SMAD1: variants seen among roughly 807,000 people sequenced by gnomAD.
The protein encoded by SMAD1 is SMAD family member 1, also known as MAD, mothers against decapentaplegic homolog 1.
SMAD1 carries 6 observed loss-of-function variants against 41.6 expected under a neutral mutation model. That is an observed-to-expected ratio of 0.14 (90% CI 0.08 to 0.28). The LOEUF is 0.28. Ranked by LOEUF, SMAD1 falls within the 10% of genes least tolerant of loss-of-function variation. The probability of loss-of-function intolerance (pLI) is 1.00; values close to 1 mark genes in which losing one functional copy is unlikely to be tolerated. For synonymous variants in SMAD1, 206 were observed against 203.2 expected, an observed-to-expected ratio of 1.01 and a Z score of -0.12; for missense variants, 379 against 582.6, an observed-to-expected ratio of 0.65 and a Z score of 3.60.
At chr4:145,481,164 T>G (rs149430925), upstream of SMAD1, 8 of 151,486 alleles carry the variant, frequency 5.3e-5, no homozygotes, top group East Asian at 1.6e-3. Flanking sequence ...AAATGTGGAG[T>G]TCTAAAGCAG....
chr4:145,550,889 T>C (rs28522520), intron 5 of SMAD1, among the ~76,000 whole-genome samples: 4,353 of 152,238 alleles, frequency 0.029, 186 homozygotes, highest in African/African-American at 0.084. Context: ...TTTGAATAAA[T>C]AGGCAGTCTG....
intron 2 of SMAD1, among the ~76,000 whole-genome samples, chr4:145,535,983 C>T: frequency 7.0e-6 from 1 of 142,026 alleles, no homozygotes; most frequent in African/African-American, 2.6e-5. Context: ...TCTTAGTATA[C>T]CAAAAAAAAA....
chr4:145,496,620 T>C (rs11931456), intron 1 of SMAD1, among the ~76,000 whole-genome samples: 17,302 of 152,076 alleles, frequency 0.11, 3,032 homozygotes, highest in African/African-American at 0.38. Flanking sequence ...AGGTGAAACC[T>C]GAATATGCAG....
intron 6 of SMAD1, 34 bp downstream of exon 6, chr4:145,554,074 A>G (rs776449459): frequency 6.4e-7 from 1 of 1,561,528 alleles, no homozygotes; most frequent in Non-Finnish European, 8.7e-7. Flanking sequence ...TTTAGGGCCT[A>G]ACATACTTTT....
Position 145,500,552 on chromosome 4 carries a change from G to A in SMAD1, c.-176-13886G>A, listed in dbSNP as rs150560050. Among the ~76,000 whole-genome samples the A allele has an allele frequency of 3.2e-3, 488 of 152,102 alleles. 1 individual carries two copies. Among genetic ancestry groups the A allele is most frequent in the African/African-American group, 0.011 (446 of 41,494 alleles). On this transcript the variant is annotated intron_variant, in intron 1 of 6. Coordinates refer to ENST00000302085, the MANE Select transcript of SMAD1 (RefSeq NM_005900.3). ...GGGGCTGTTCAGATACCACATTCAC[G>A]ACGAGGCTTTCCCTGACCACCAGAA...
intron 1 of SMAD1, among the ~76,000 whole-genome samples, chr4:145,511,151 G>A (rs896564832): frequency 6.6e-6 from 1 of 151,954 alleles, no homozygotes; most frequent in Non-Finnish European, 1.5e-5. Context: ...AACTCTCTTA[G>A]TTGTCATATT....
intron 2 of SMAD1, chr4:145,517,133 T>C (rs1462110143): frequency 6.6e-6 from 1 of 152,210 alleles, no homozygotes; most frequent in Non-Finnish European, 1.5e-5. Flanking sequence ...TGTCCTACTT[T>C]TCCCTACTCT....
chr4:145,556,603 G>A (rs531526205), intron 6 of SMAD1, among the ~76,000 whole-genome samples: 5 of 151,962 alleles, frequency 3.3e-5, no homozygotes, highest in East Asian at 1.9e-4. Flanking sequence ...GATTACAGGC[G>A]TGTGGCCACC....
At chr4:145,515,676 T>A (rs1486773993) in intron 2 of SMAD1, among the ~76,000 whole-genome samples, 1 of 152,224 alleles carries the variant, frequency 6.6e-6, no homozygotes, top group Non-Finnish European at 1.5e-5. Flanking sequence ...ATTTTAAAAT[T>A]TATACGGTTT....
intron 2 of SMAD1, among the ~76,000 whole-genome samples, chr4:145,537,027 C>T (rs867502726): frequency 6.6e-6 from 1 of 151,914 alleles, no homozygotes; most frequent in Middle Eastern, 3.2e-3. Flanking sequence ...TCAAAAATGT[C>T]AGTAGCATGA....
intron 5 of SMAD1, among the ~76,000 whole-genome samples, chr4:145,548,588 T>C (rs1732384645): frequency 6.6e-6 from 1 of 152,128 alleles, no homozygotes; most frequent in Admixed American, 6.5e-5. Context: ...AAGTCCATAC[T>C]CATAATAAAT....
At chr4:145,529,789 A>G (rs1411827770) in intron 2 of SMAD1, among the ~76,000 whole-genome samples, 1 of 152,210 alleles carries the variant, frequency 6.6e-6, no homozygotes, top group Admixed American at 6.5e-5. Flanking sequence ...AGAGACATAG[A>G]TAGGGCCAGA....
At chr4:145,535,980 A>G (rs1447727641) in intron 2 of SMAD1, among the ~76,000 whole-genome samples, 2 of 150,194 alleles carry the variant, frequency 1.3e-5, no homozygotes, top group East Asian at 3.9e-4. Flanking sequence ...AGTTCTTAGT[A>G]TACCAAAAAA....
At chr4:145,524,872 GA>G (rs1730944610) in intron 2 of SMAD1, among the ~76,000 whole-genome samples, 1 of 151,510 alleles carries the variant, frequency 6.6e-6, no homozygotes, top group Non-Finnish European at 1.5e-5. Context: ...TAAATTAAAA[GA>G]AAAAAACCAG....
intron 1 of SMAD1, among the ~76,000 whole-genome samples, chr4:145,496,580 A>G (rs183436015): frequency 1.1e-3 from 174 of 152,272 alleles, no homozygotes; most frequent in African/African-American, 3.9e-3. Flanking sequence ...TTCTCAACCA[A>G]AAGTGGATAG....
intron 5 of SMAD1, among the ~76,000 whole-genome samples, chr4:145,550,865 TGA>T: frequency 6.6e-6 from 1 of 152,154 alleles, no homozygotes; most frequent in Non-Finnish European, 1.5e-5. Flanking sequence ...CAAATTTTAC[TGA>T]GAGAAAGAAA....
intron 2 of SMAD1, among the ~76,000 whole-genome samples, chr4:145,524,322 ATTT>A (rs899128010): frequency 6.7e-6 from 1 of 149,612 alleles, no homozygotes; most frequent in Non-Finnish European, 1.5e-5. Flanking sequence ...TGTTATTTTA[ATTT>A]TTTTTTTCTT....
intron 2 of SMAD1, among the ~76,000 whole-genome samples, chr4:145,516,375 C>G (rs2126419768): frequency 1.3e-5 from 2 of 152,260 alleles, no homozygotes; most frequent in Middle Eastern, 3.4e-3. Context: ...ATGAAAAACA[C>G]TTTGGGAATT....
chr4:145,509,486 T>C (rs1386854558), intron 1 of SMAD1, among the ~76,000 whole-genome samples: 2 of 152,214 alleles, frequency 1.3e-5, no homozygotes, highest in East Asian at 3.8e-4. Context: ...GGGGTATTTG[T>C]TTAAATGTAT....
Sources: allele counts gnomAD v4.1 joint callset (sites outside exome capture counted in the v4.1 genomes callset), GRCh38; gene constraint gnomAD v4.1.1; transcripts MANE v1.5; gene names NCBI Gene and HGNC (gene_info 2026-07-23, HGNC 2026-07-21).